The following COL16A1 variants were observed in gnomAD, a reference collection of about 807,000 sequenced individuals.
The protein encoded by COL16A1 is collagen alpha-1(XVI) chain.
Under a neutral mutation model 266.3 loss-of-function variants are expected in COL16A1, and 189 were observed. The observed-to-expected ratio is 0.71, with a 90% CI of 0.63 to 0.80. COL16A1 has a LOEUF of 0.80. COL16A1 is among the 30% of genes least tolerant of loss of function. The pLI, the probability that COL16A1 is intolerant of heterozygous loss-of-function variation, is 0.00. For missense variants in COL16A1, 1,928 were observed against 2,122.4 expected (o/e 0.91, Z 1.80); for synonymous variants, 740 against 782.3 (o/e 0.95, Z 0.90).
intron 44 of COL16A1, 122 bp from the exon 45 acceptor site, chr1:31,672,962 A>C: frequency 3.4e-6 from 3 of 884,408 alleles, no homozygotes; most frequent in African/African-American, 1.7e-5. Context: ...CCCTCCTCCC[A>C]CACTCCCTCC....
At position 31,691,601 on chromosome 1, in the gene COL16A1, C is replaced by T; in HGVS notation, c.1299G>A (p.Gln433=). The change falls in exon 18 of 71, where the codon CAG becomes CAA. Residue 433 remains glutamine, a synonymous_variant. Transcript: ENST00000373672. ...CCCACAAACATCCACAACTCACCTTCTGCCCTTTGGGCCCAATGACACAGA... is the reference window on the plus strand; with the variant it reads ...CCCACAAACATCCACAACTCACCTTTTGCCCTTTGGGCCCAATGACACAGA... ...GEICVIGPKG[Q]KGDPGFVGPE... 6.2e-7 allele frequency: 1 copy of T among 1,613,926 alleles called. No homozygotes were observed. The highest frequency in any genetic ancestry group is 8.5e-7 in the Non-Finnish European group (1 of 1,180,024).
Position 31,698,454 on chromosome 1 carries a change from G to C in COL16A1, c.390+29C>G, listed in dbSNP as rs1644592751. On this transcript the variant is annotated intron_variant, in intron 5 of 70. Coordinates refer to ENST00000373672, the MANE Select transcript of COL16A1 (RefSeq NM_001856.4). The surrounding 1 kb of genome is among the most constrained non-coding windows in gnomAD (Gnocchi z 4.1). ...GGACTGGTGCTACCCAATGCCCTAA[G>C]AGGCAATCAGGGCACAGGGGAGGTT... 1.2e-6 allele frequency: 2 copies of C among 1,613,476 alleles called. No individual in the cohort carries two copies. Among genetic ancestry groups the C allele is most frequent in the Non-Finnish European group, 1.7e-6 (2 of 1,179,654 alleles).
At chr1:31,678,451 A>ATT (rs1643365378) in intron 42 of COL16A1, among the ~76,000 whole-genome samples, 1 of 152,246 alleles carries the variant, frequency 6.6e-6, no homozygotes, top group Non-Finnish European at 1.5e-5. Flanking sequence ...GGGAAGCCCC[A>ATT]GTCTAGCATT....
At position 31,656,209 on chromosome 1, in the gene COL16A1, C is replaced by T. The variant is rs1239301436; in HGVS notation, c.4101+191G>A. 1.1e-5 allele frequency: 9 copies of T among 847,246 alleles called. No homozygotes were observed. Among genetic ancestry groups the T allele is most frequent in the East Asian group, 2.8e-5 (1 of 36,082 alleles). The allele number at this position is 847,246 out of a possible 1,614,324, so 52.5% of individuals were successfully genotyped here. A position where few individuals can be genotyped will look rare whatever the true frequency, so the allele number is the denominator to read the frequency against. On this transcript the variant is annotated intron_variant, in intron 66 of 70. Transcript: ENST00000373672. The surrounding 1 kb of genome is among the most constrained non-coding windows in gnomAD (Gnocchi z 4.2). ...CAGTGAGTAAATGAACTGGAGATTT[C>T]CTTCCCCCCAACCACAGCTAATGAC...
rs1644475383 is a variant in COL16A1, at chr1:31,695,872, C to A, written c.919-85G>T. On this transcript the variant is annotated intron_variant, in intron 9 of 70. Coordinates refer to ENST00000373672, the MANE Select transcript of COL16A1 (RefSeq NM_001856.4). ...TCCAACACCCCTACCCCCAAACCAA[C>A]AGGAGTGGGCACTCTAGAGAGTGCC... 6 of 1,268,294 alleles carry A rather than the reference C, an allele frequency of 4.7e-6. No homozygotes were observed. In the Admixed American group the frequency reaches 1.0e-4, roughly 22 times the overall value. The allele number at this position is 1,268,294 out of a possible 1,614,324, so 78.6% of individuals were successfully genotyped here.
Position 31,699,847 on chromosome 1 carries a change from G to T in COL16A1, c.232C>A (p.Arg78Ser). Residue 78 changes from arginine (R) to serine (S), a missense_variant, in exon 4 of 71, where the codon CGC (arginine) becomes AGC (serine). Arg to Ser is a moderately radical substitution (Grantham distance 110). Around this residue, in one of 2 missense-constraint regions of COL16A1, gnomAD observed 1,552 missense variants for 1,637.2 expected, o/e 0.95. Transcript: ENST00000373672. ...TGGGTCACGGGGGCCGCCCCCAGGC[G>T]CAGGATGAGAGGCCCCTTGGGGTTG... ...IRNPKGPLIL[R>S]LGAAPVTQPT... 6.2e-7 allele frequency: 1 copy of T among 1,613,614 alleles called. No individual in the cohort carries two copies. Among genetic ancestry groups the T allele is most frequent in the Non-Finnish European group, 8.5e-7 (1 of 1,179,528 alleles).
intron 58 of COL16A1, 176 bp from the exon 59 acceptor site, chr1:31,661,880 C>G (rs1367953451): frequency 2.9e-6 from 2 of 687,442 alleles, no homozygotes; most frequent in Non-Finnish European, 4.9e-6. Flanking sequence ...CAGCCCCTCT[C>G]CGGGCCTTAG....
At chr1:31,683,411 C>T in intron 34 of COL16A1, 42 bp from the exon 35 acceptor site, 1 of 1,612,620 alleles carries the variant, frequency 6.2e-7, no homozygotes, top group African/African-American at 1.3e-5. Flanking sequence ...GCAGCCACAG[C>T]CAACCTGCCC....
Position 31,666,248 on chromosome 1 carries a change from G to A in COL16A1, c.3358-167C>T, listed in dbSNP as rs1000217320. 18 of 731,746 alleles carry A rather than the reference G, an allele frequency of 2.5e-5. No individual in the cohort carries two copies. The Middle Eastern group carries it at 1.6e-3, about 64-fold the overall frequency. 45.3% of individuals were successfully genotyped at this position (731,746 alleles called of 1,614,324 possible). ...TGCTCAGGCTTCCCTGCTCTTGCCC[G>A]AGCTACTGAACCAGCCTCCTAACTC... On this transcript the variant is annotated intron_variant, in intron 52 of 70. Transcript: ENST00000373672.
At chr1:31,686,324 T>A in intron 26 of COL16A1, 45 bp from the exon 27 acceptor site, 17 of 1,613,980 alleles carry the variant, frequency 1.1e-5, no homozygotes, top group Non-Finnish European at 1.4e-5. Context: ...GGATGGAGTC[T>A]GGGTGCTAGA....
intron 44 of COL16A1, 131 bp from the exon 45 acceptor site, chr1:31,672,971 C>T (rs1389815540): frequency 2.4e-6 from 2 of 835,488 alleles, no homozygotes; most frequent in Admixed American, 2.0e-5. Context: ...CACACTCCCT[C>T]CCTCCCCAGC....
At chr1:31,672,861 G>A in intron 44 of COL16A1, 21 bp from the exon 45 acceptor site, 1 of 1,610,666 alleles carries the variant, frequency 6.2e-7, no homozygotes, top group African/African-American at 1.3e-5. Context: ...AGTGGGGAGA[G>A]GAGTGGGGCC....
In COL16A1 at chr1:31,654,057, A is replaced by G; in HGVS notation, c.4358-14T>C. The G allele has an allele frequency of 5.0e-6, 8 of 1,611,030 alleles. No homozygotes were observed. Among genetic ancestry groups the G allele is most frequent in the Non-Finnish European group, 6.8e-6 (8 of 1,177,992 alleles). On this transcript the variant is annotated splice_polypyrimidine_tract_variant and intron_variant, in intron 68 of 70. Transcript: ENST00000373672. ...AAGCCATTCTCTCTGTAAAAAAAGG[A>G]CAAGGACAGGGACAGGTCAGAGGGT...
intron 56 of COL16A1, 43 bp from the exon 57 acceptor site, chr1:31,662,701 T>G: frequency 8.6e-7 from 1 of 1,163,892 alleles, no homozygotes; most frequent in African/African-American, 2.2e-5. Context: ...CACAATAAAG[T>G]CAGCAGGGCT....
In COL16A1 at chr1:31,693,128, AG is replaced by A; in HGVS notation, c.1034del (p.Pro345LeufsTer116). 1 of 1,612,236 alleles carries A rather than the reference AG, an allele frequency of 6.2e-7. No homozygotes were observed. The highest frequency in any genetic ancestry group is 8.5e-7 in the Non-Finnish European group (1 of 1,178,432). ...TCTCTCCCTTGGAGCCTGGTGGACC[AG>A]GCAGGCCCCGCTCACCTTTCCCTCC... ...PKGGKGERGLPGPPGSKGEKG... is the reference protein window; with the variant it reads ...PKGGKGERGLXGPPGSKGEKG... On this transcript the variant is annotated frameshift_variant, in exon 13 of 71. Coordinates refer to ENST00000373672, the MANE Select transcript of COL16A1 (RefSeq NM_001856.4). LOFTEE classifies it high-confidence loss of function.
In COL16A1 at chr1:31,700,148, C is replaced by T. The variant is rs771808294; in HGVS notation, c.74-33G>A. On this transcript the variant is annotated intron_variant, in intron 2 of 70. Coordinates refer to ENST00000373672, the MANE Select transcript of COL16A1 (RefSeq NM_001856.4). Reference sequence around the variant, plus strand: ...AGAAGGGGCAGGGGGGCATTAGGTGCGCTCAGGCCAAGGTTGCTGCACGGC... The same window carrying T: ...AGAAGGGGCAGGGGGGCATTAGGTGTGCTCAGGCCAAGGTTGCTGCACGGC... The T allele has an allele frequency of 9.3e-6, 15 of 1,608,242 alleles. No individual in the cohort carries two copies. The African/African-American group carries it at 9.4e-5, about 10-fold the overall frequency.
At position 31,692,615 on chromosome 1, in the gene COL16A1, C is replaced by A; in HGVS notation, c.1141G>T (p.Gly381Trp). 1 of 1,614,182 alleles carries A rather than the reference C, an allele frequency of 6.2e-7. No individual in the cohort carries two copies. The highest frequency in any genetic ancestry group is 8.5e-7 in the Non-Finnish European group (1 of 1,180,016). The change falls in exon 15 of 71, where the codon GGG (glycine) becomes TGG (tryptophan). Residue 381 changes from glycine to tryptophan, a missense_variant. Gly to Trp is a radical substitution (Grantham distance 184). Coordinates refer to ENST00000373672, the MANE Select transcript of COL16A1 (RefSeq NM_001856.4). ...ACACTCACCAGAGCTCCTGACTCCCCCTTCTCTCCCTTCGGGCCTTCTGCA... is the reference window on the plus strand; with the variant it reads ...ACACTCACCAGAGCTCCTGACTCCCACTTCTCTCCCTTCGGGCCTTCTGCA... The part of the protein sequence containing the change: ...QCAEGPKGEK[G>W]ESGALGPSGL...
At chr1:31,701,521 A>G (rs2148838687) in intron 2 of COL16A1, 1 of 985,402 alleles carries the variant, frequency 1.0e-6, no homozygotes. Flanking sequence ...CAGCAAGGCC[A>G]GGCAAGTTGC....
chr1:31,657,521 G>T lies in COL16A1; in HGVS notation c.4021-453C>A. 1 of 172,376 alleles carries T rather than the reference G, an allele frequency of 5.8e-6. No homozygotes were observed. The highest frequency in any genetic ancestry group is 1.2e-5 in the Non-Finnish European group (1 of 80,102). The allele number at this position is 172,376 out of a possible 1,614,324, so 10.7% of individuals were successfully genotyped here. A position where few individuals can be genotyped will look rare whatever the true frequency, so the allele number is the denominator to read the frequency against. On this transcript the variant is annotated intron_variant, in intron 64 of 70. Transcript: ENST00000373672. The surrounding 1 kb of genome is among the most constrained non-coding windows in gnomAD (Gnocchi z 6.4). ...AGTGGGAGATTCATCCAGGGGCCAT[G>T]GAGGCTCCTGAGCCTGCAAGGAGGG...
Sources: allele counts gnomAD v4.1 joint callset (sites outside exome capture counted in the v4.1 genomes callset), GRCh38; gene constraint gnomAD v4.1.1; regional missense constraint gnomAD v4.1.1; non-coding constraint Gnocchi (gnomAD v3.1); transcripts MANE v1.5; gene names NCBI Gene and HGNC (gene_info 2026-07-23, HGNC 2026-07-21).